ROCK2: variants seen among roughly 807,000 people sequenced by gnomAD.
ROCK2 encodes the protein Rho associated coiled-coil containing protein kinase 2.
A neutral mutation model predicts 195.1 loss-of-function variants in ROCK2; 61 were observed. The ratio of observed to expected loss-of-function variants is 0.31; its 90% CI spans 0.25 to 0.39. The LOEUF is 0.39. ROCK2 is among the 10% of genes least tolerant of loss of function. The pLI, the probability that ROCK2 is intolerant of heterozygous loss-of-function variation, is 1.00. For missense variants in ROCK2, 1,109 were observed against 1,637.4 expected (o/e 0.68, Z 5.57); for synonymous variants, 504 against 545.5 (o/e 0.92, Z 1.06).
chr2:11,206,690 ATGAGGATACATTAG>A (rs1369953804), intron 20 of ROCK2, among the ~76,000 whole-genome samples: 1 of 152,230 alleles, frequency 6.6e-6, no homozygotes, highest in East Asian at 1.9e-4. Flanking sequence ...GACAATTATA[ATGAGGATACATTAG>A]TAGTAGCTGT....
chr2:11,286,519 A>T lies in ROCK2; in HGVS notation c.324+20T>A, dbSNP rs980129352. On this transcript the variant is annotated intron_variant, in intron 3 of 32. Transcript: ENST00000315872. ...AACCATGATGTCATAGAGAACAATA[A>T]GAACAAAACACTTTCTTACCAACTG... 2 of 1,455,558 alleles carry T rather than the reference A, an allele frequency of 1.4e-6. No individual in the cohort carries two copies. Among genetic ancestry groups the T allele is most frequent in the East Asian group, 4.6e-5 (2 of 43,918 alleles). 90.2% of individuals were successfully genotyped at this position (1,455,558 alleles called of 1,614,324 possible). A position where few individuals can be genotyped will look rare whatever the true frequency, so the allele number is the denominator to read the frequency against.
intron 1 of ROCK2, among the ~76,000 whole-genome samples, chr2:11,292,563 C>A (rs1667394874): frequency 6.6e-6 from 1 of 152,008 alleles, no homozygotes; most frequent in African/African-American, 2.4e-5. Context: ...TAAAATTATT[C>A]CTCTAAAAGA....
intron 3 of ROCK2, among the ~76,000 whole-genome samples, chr2:11,282,521 AAT>A (rs1667040400): frequency 6.6e-6 from 1 of 151,406 alleles, no homozygotes; most frequent in Non-Finnish European, 1.5e-5. Flanking sequence ...GACCCACATA[AAT>A]ATAGTCAACT....
rs575810489 is a variant in ROCK2, at chr2:11,338,667, T to C, written c.141+5329A>G. 5.3e-5 allele frequency among the ~76,000 whole-genome samples: 8 copies of C among 152,168 alleles called. No individual in the cohort carries two copies. In the East Asian group the frequency reaches 1.2e-3, roughly 22 times the overall value. ...AACACCAAGGGACCAGTGTACATTC[T>C]GAAAACAAAAAACTGAAAACTAGTC... On this transcript the variant is annotated intron_variant, in intron 1 of 32. Coordinates refer to ENST00000315872, the MANE Select transcript of ROCK2 (RefSeq NM_004850.5).
chr2:11,344,298 G>A lies in ROCK2; in HGVS notation c.-162C>T, dbSNP rs1669210240. The stretch of plus-strand genomic sequence containing the variant: ...GTCTCCAAGGCGGTCCCCCGCCTGG[G>A]GGCTGCTCCCAGGGGCCCGCCCGGC... On this transcript the variant is annotated 5_prime_UTR_variant, in exon 1 of 33. Coordinates refer to ENST00000315872, the MANE Select transcript of ROCK2 (RefSeq NM_004850.5). This position sits in a 1 kb window ranked among gnomAD's most constrained non-coding sequence, Gnocchi z 5.4. The A allele has an allele frequency of 1.6e-6, 2 of 1,241,852 alleles. No individual in the cohort carries two copies. Among genetic ancestry groups the A allele is most frequent in the Non-Finnish European group, 2.0e-6 (2 of 994,348 alleles). The allele number at this position is 1,241,852 out of a possible 1,614,324, so 76.9% of individuals were successfully genotyped here.
intron 23 of ROCK2, among the ~76,000 whole-genome samples, chr2:11,200,241 ATTTG>A (rs1663804241): frequency 6.6e-6 from 1 of 152,024 alleles, no homozygotes; most frequent in African/African-American, 2.4e-5. Flanking sequence ...CCCTTCTGTC[ATTTG>A]TTTATGCTGT....
intron 1 of ROCK2, among the ~76,000 whole-genome samples, chr2:11,307,438 C>T (rs896409277): frequency 3.3e-5 from 5 of 152,268 alleles, no homozygotes; most frequent in East Asian, 3.9e-4. Context: ...CTCAGCCTCC[C>T]GAGTAGCTGG....
chr2:11,297,873 GT>G (rs1171754425), intron 1 of ROCK2, among the ~76,000 whole-genome samples: 1 of 152,040 alleles, frequency 6.6e-6, no homozygotes, highest in African/African-American at 2.4e-5. Flanking sequence ...AATTAATGAT[GT>G]TTAAACATAC....
chr2:11,343,931 C>A, intron 1 of ROCK2, 65 bp downstream of exon 1: 1 of 1,530,960 alleles, frequency 6.5e-7, no homozygotes, highest in Non-Finnish European at 8.8e-7. Flanking sequence ...GCACGGAGGG[C>A]TGGGCGGAGA....
intron 30 of ROCK2, among the ~76,000 whole-genome samples, chr2:11,193,282 G>A (rs1444821358): frequency 2.6e-5 from 4 of 152,030 alleles, no homozygotes; most frequent in African/African-American, 7.2e-5. Context: ...CAAGCACAAC[G>A]ACTCTTACAT....
Position 11,297,331 on chromosome 2 carries a change from TAA to T in ROCK2, c.142-9597_142-9596del, listed in dbSNP as rs989519732. 3.3e-5 allele frequency among the ~76,000 whole-genome samples: 5 copies of T among 152,138 alleles called. No individual in the cohort carries two copies. In the South Asian group the frequency reaches 8.3e-4, roughly 25 times the overall value. ...AAATTATATCATTTTATTCTTTTCC[TAA>T]GTTTTTTGTGGTGAAATTTGTATTA... On this transcript the variant is annotated intron_variant, in intron 1 of 32. Coordinates refer to ENST00000315872, the MANE Select transcript of ROCK2 (RefSeq NM_004850.5).
chr2:11,274,640 A>G (rs1362234780), intron 3 of ROCK2, among the ~76,000 whole-genome samples: 1 of 152,232 alleles, frequency 6.6e-6, no homozygotes, highest in African/African-American at 2.4e-5. Context: ...CCTGACATAG[A>G]AAAGCTCTTT....
intron 3 of ROCK2, among the ~76,000 whole-genome samples, chr2:11,281,029 G>A (rs968827306): frequency 9.2e-5 from 14 of 151,756 alleles, no homozygotes; most frequent in African/African-American, 2.2e-4. Flanking sequence ...TGTATTATGC[G>A]GTGTAAAAGA....
At chr2:11,185,812 T>C (rs1663175735) in intron 32 of ROCK2, among the ~76,000 whole-genome samples, 2 of 152,092 alleles carry the variant, frequency 1.3e-5, no homozygotes, top group South Asian at 2.1e-4. Context: ...AACTGTGGTG[T>C]TCATGAATCA....
chr2:11,284,802 G>C (rs1473958132), intron 3 of ROCK2, among the ~76,000 whole-genome samples: 8 of 152,048 alleles, frequency 5.3e-5, no homozygotes, highest in Admixed American at 1.3e-4. Flanking sequence ...TCACATCCAA[G>C]TACTATATTC....
chr2:11,281,024 T>C (rs10168273), intron 3 of ROCK2, among the ~76,000 whole-genome samples: 219 of 152,172 alleles, frequency 1.4e-3, no homozygotes, highest in African/African-American at 5.0e-3. Flanking sequence ...AACAATGTAT[T>C]ATGCGGTGTA....
At chr2:11,200,191 G>C (rs1309558165) in intron 23 of ROCK2, among the ~76,000 whole-genome samples, 1 of 152,052 alleles carries the variant, frequency 6.6e-6, no homozygotes, top group Non-Finnish European at 1.5e-5. Context: ...ATATACTCTA[G>C]ATACAAATCC....
chr2:11,211,872 A>G, intron 17 of ROCK2, 32 bp from the exon 18 acceptor site: 1 of 1,500,086 alleles, frequency 6.7e-7, no homozygotes, highest in East Asian at 2.3e-5. Context: ...GCTATCAACA[A>G]AAAAGAGACT....
In ROCK2 at chr2:11,224,308, T is replaced by G. The variant is rs766834314; in HGVS notation, c.1007+14A>C. On this transcript the variant is annotated intron_variant, in intron 7 of 32. Coordinates refer to ENST00000315872, the MANE Select transcript of ROCK2 (RefSeq NM_004850.5). The stretch of plus-strand genomic sequence containing the variant: ...ATAAAGGGCTTCTCTACAAAGAAAT[T>G]CAATGTACATTACCTATCTGTTAAG... 1 of 1,589,318 alleles carries G rather than the reference T, an allele frequency of 6.3e-7. No individual in the cohort carries two copies. Among genetic ancestry groups the G allele is most frequent in the Admixed American group, 1.9e-5 (1 of 53,232 alleles).
Sources: gnomAD v4.1 joint callset for allele counts (sites outside exome capture counted in the v4.1 genomes callset) on GRCh38, gnomAD v4.1.1 for gene constraint, Gnocchi (gnomAD v3.1) non-coding constraint, MANE v1.5 for transcripts, NCBI Gene and HGNC (gene_info 2026-07-23, HGNC 2026-07-21) for gene names.